Variants in R3HDM1 observed in about 807,000 individuals in gnomAD.
R3HDM1 encodes R3H domain-containing protein 1.
In R3HDM1, 46 loss-of-function variants were observed where a neutral mutation model predicts 141.1. That is an observed-to-expected ratio of 0.33 (90% CI 0.26 to 0.42). The LOEUF (loss-of-function observed/expected upper bound fraction) is 0.42. R3HDM1 is among the 10% of genes least tolerant of loss of function. The pLI is 1.00. For synonymous variants in R3HDM1, 435 were observed against 472.9 expected, an observed-to-expected ratio of 0.92 and a Z score of 1.04; for missense variants, 1,184 against 1,368.3, an observed-to-expected ratio of 0.87 and a Z score of 2.12.
At chr2:135,539,462 G>A (rs1696978142) in intron 1 of R3HDM1, among the ~76,000 whole-genome samples, 1 of 152,158 alleles carries the variant, frequency 6.6e-6, no homozygotes, top group African/African-American at 2.4e-5. Context: ...TATCATTTAT[G>A]CAGTCCATTG....
At chr2:135,563,698 A>T (rs1291826062) in intron 1 of R3HDM1, among the ~76,000 whole-genome samples, 1 of 152,230 alleles carries the variant, frequency 6.6e-6, no homozygotes, top group Non-Finnish European at 1.5e-5. Flanking sequence ...ACCACTAAAA[A>T]TAAGCTAGCT....
At chr2:135,555,615 C>T (rs1424255884) in intron 1 of R3HDM1, among the ~76,000 whole-genome samples, 3 of 152,164 alleles carry the variant, frequency 2.0e-5, no homozygotes, top group East Asian at 1.9e-4. Flanking sequence ...TGTACACCAA[C>T]GTTTATAGCA....
At chr2:135,662,704 G>T (rs778717001) in intron 19 of R3HDM1, among the ~76,000 whole-genome samples, 4 of 152,116 alleles carry the variant, frequency 2.6e-5, no homozygotes, top group Non-Finnish European at 5.9e-5. Context: ...ATTTCAAAAG[G>T]TATCAAAAGT....
intron 1 of R3HDM1, among the ~76,000 whole-genome samples, chr2:135,548,227 A>G (rs1331345424): frequency 1.3e-5 from 2 of 152,076 alleles, no homozygotes; most frequent in African/African-American, 4.8e-5. Flanking sequence ...TTATTTTGAA[A>G]TTTTCCAAAC....
chr2:135,588,440 ACT>A (rs1708449347), intron 1 of R3HDM1, among the ~76,000 whole-genome samples: 1 of 150,980 alleles, frequency 6.6e-6, no homozygotes, highest in Non-Finnish European at 1.5e-5. Flanking sequence ...ACACACATTC[ACT>A]CTGCAAATTT....
At chr2:135,538,352 G>A (rs905285848) in intron 1 of R3HDM1, among the ~76,000 whole-genome samples, 3 of 152,198 alleles carry the variant, frequency 2.0e-5, no homozygotes, top group Non-Finnish European at 4.4e-5. Context: ...GTGAGTGAAT[G>A]CAAAGGCCTC....
chr2:135,542,656 CT>C (rs1352162769), intron 1 of R3HDM1, among the ~76,000 whole-genome samples: 2 of 152,158 alleles, frequency 1.3e-5, no homozygotes, highest in Non-Finnish European at 2.9e-5. Context: ...ATTTCATCCC[CT>C]ATAATGACAT....
intron 1 of R3HDM1, among the ~76,000 whole-genome samples, chr2:135,549,115 G>GTGTT (rs1699311178): frequency 2.0e-5 from 3 of 152,106 alleles, no homozygotes; most frequent in African/African-American, 7.2e-5. Flanking sequence ...TTGACTTTAG[G>GTGTT]TAAATAGGTG....
intron 17 of R3HDM1, chr2:135,650,321 G>T (rs2065016689): frequency 3.0e-6 from 3 of 985,268 alleles, no homozygotes; most frequent in Non-Finnish European, 2.4e-6. Flanking sequence ...GCTGCCCTGG[G>T]ATGGCAGCTT....
chr2:135,547,047 G>A, intron 1 of R3HDM1, among the ~76,000 whole-genome samples: 1 of 152,050 alleles, frequency 6.6e-6, no homozygotes, highest in African/African-American at 2.4e-5. Flanking sequence ...AAAGAAGATG[G>A]TCAGATTGGT....
rs549732474 is a variant in R3HDM1 at position 135,659,906 on chromosome 2, C to T, written c.2029-1364C>T. On this transcript the variant is annotated intron_variant, in intron 18 of 26. Coordinates refer to ENST00000683871, the MANE Select transcript of R3HDM1 (RefSeq NM_001378107.1). ...ATGTGAGTGATGTATTGTGCTATGA[C>T]ATCACTGGGTGATAGGAATTTTTCA... Among the ~76,000 whole-genome samples the T allele has an allele frequency of 2.6e-4, 40 of 152,322 alleles. No individual in the cohort carries two copies. The South Asian group carries it at 8.3e-3, about 32-fold the overall frequency.
intron 1 of R3HDM1, among the ~76,000 whole-genome samples, chr2:135,591,864 C>CT (rs1709358968): frequency 6.6e-6 from 1 of 152,172 alleles, no homozygotes; most frequent in African/African-American, 2.4e-5. Context: ...AGGGTAAGGT[C>CT]TAGGTGAGTC....
At chr2:135,651,333 G>A in intron 17 of R3HDM1, 1 of 983,906 alleles carries the variant, frequency 1.0e-6, no homozygotes, top group Non-Finnish European at 1.2e-6. Context: ...ATACTAATTA[G>A]TACCTTGCTC....
chr2:135,546,426 A>G (rs1698704622), intron 1 of R3HDM1, among the ~76,000 whole-genome samples: 4 of 152,200 alleles, frequency 2.6e-5, no homozygotes, highest in South Asian at 2.1e-4. Context: ...TTTGCACTCA[A>G]GACCCTCCAG....
In R3HDM1 at chr2:135,709,549, C is replaced by G; in HGVS notation, c.2563+13C>G. The G allele has an allele frequency of 6.2e-7, 1 of 1,611,582 alleles. No individual in the cohort carries two copies. The highest frequency in any genetic ancestry group is 8.5e-7 in the Non-Finnish European group (1 of 1,178,788). On this transcript the variant is annotated intron_variant, in intron 22 of 26. Transcript: ENST00000683871. ...CACCAATGTACAGGTATAAAGAAAT[C>G]AGTGAAAATAAGATGATTGGTTCAT...
intron 1 of R3HDM1, chr2:135,536,633 A>G: frequency 1.1e-6 from 1 of 905,512 alleles, no homozygotes; most frequent in Non-Finnish European, 1.3e-6. Flanking sequence ...CTAAGCGTTT[A>G]AAATAGTGAA....
chr2:135,585,690 C>T (rs1287465766), intron 1 of R3HDM1, among the ~76,000 whole-genome samples: 2 of 152,074 alleles, frequency 1.3e-5, no homozygotes, highest in Non-Finnish European at 2.9e-5. Context: ...TGGTTGATTC[C>T]TTTTCTTCTA....
At chr2:135,675,111 A>C (rs2068959710) in intron 19 of R3HDM1, among the ~76,000 whole-genome samples, 1 of 152,190 alleles carries the variant, frequency 6.6e-6, no homozygotes, top group African/African-American at 2.4e-5. Context: ...TTGCAATTGT[A>C]GAAGAAATCT....
At chr2:135,597,327 T>C in intron 1 of R3HDM1, 1 of 933,340 alleles carries the variant, frequency 1.1e-6, no homozygotes, top group Non-Finnish European at 1.3e-6. Flanking sequence ...GTGCCTTCTG[T>C]GGTTATTTGG....
Sources: allele counts gnomAD v4.1 joint callset (sites outside exome capture counted in the v4.1 genomes callset), GRCh38; gene constraint gnomAD v4.1.1; transcripts MANE v1.5; gene names NCBI Gene and HGNC (gene_info 2026-07-23, HGNC 2026-07-21).